Variants in RBFOX1 observed in about 807,000 individuals in gnomAD.
The protein encoded by RBFOX1 is RNA binding protein fox-1 homolog 1.
In RBFOX1, 8 loss-of-function variants were observed where a neutral mutation model predicts 57.7. The ratio of observed to expected loss-of-function variants is 0.14; its 90% CI spans 0.08 to 0.25. The LOEUF (loss-of-function observed/expected upper bound fraction) is 0.25. RBFOX1 is among the 10% of genes least tolerant of loss of function. The pLI is 1.00. For synonymous variants in RBFOX1, 326 were observed against 222.4 expected, an observed-to-expected ratio of 1.47 and a Z score of -4.15; for missense variants, 611 against 548.5, an observed-to-expected ratio of 1.11 and a Z score of -1.14.
At chr16:5,307,061 T>TG (rs2063957164) in intron 1 of RBFOX1, among the ~76,000 whole-genome samples, 1 of 147,718 alleles carries the variant, frequency 6.8e-6, no homozygotes, top group Non-Finnish European at 1.5e-5. Flanking sequence ...TTCTCCGTGG[T>TG]GGGGGGTGGA....
chr16:7,693,486 A>T, intron 14 of RBFOX1: 1 of 770,216 alleles, frequency 1.3e-6, no homozygotes, highest in South Asian at 1.8e-5. Flanking sequence ...TAAGAAAAAA[A>T]AAAAAGATCT....
At chr16:6,495,886 A>G (rs1326361903) in intron 2 of RBFOX1, among the ~76,000 whole-genome samples, 1 of 152,236 alleles carries the variant, frequency 6.6e-6, no homozygotes, top group African/African-American at 2.4e-5. Context: ...ATCTGTTTGT[A>G]ACAGAATATT....
chr16:7,266,846 A>C (rs1311254863), intron 4 of RBFOX1, among the ~76,000 whole-genome samples: 1 of 152,196 alleles, frequency 6.6e-6, no homozygotes, highest in Non-Finnish European at 1.5e-5. Flanking sequence ...AACTGTTTTC[A>C]GGGAAGGCCT....
At chr16:6,254,648 G>C (rs929047474) in intron 1 of RBFOX1, among the ~76,000 whole-genome samples, 1 of 152,102 alleles carries the variant, frequency 6.6e-6, no homozygotes, top group Non-Finnish European at 1.5e-5. Context: ...TAGTCTCTGC[G>C]TGAAATTCCA....
intron 3 of RBFOX1, among the ~76,000 whole-genome samples, chr16:6,755,975 C>T (rs1446978022): frequency 6.6e-6 from 1 of 152,150 alleles, no homozygotes; most frequent in Non-Finnish European, 1.5e-5. Context: ...TTTCAAATTG[C>T]TAGCTGAGGT....
intron 3 of RBFOX1, among the ~76,000 whole-genome samples, chr16:6,821,343 T>A (rs185499266): frequency 6.6e-6 from 1 of 152,212 alleles, no homozygotes; most frequent in Admixed American, 6.5e-5. Context: ...TGTCCCCAAA[T>A]TGGAAAACTA....
At chr16:5,575,166 G>A (rs938603326) in intron 2 of RBFOX1, among the ~76,000 whole-genome samples, 1 of 152,170 alleles carries the variant, frequency 6.6e-6, no homozygotes, top group African/African-American at 2.4e-5. Flanking sequence ...TGATGCTTCT[G>A]TTACCCTAAA....
chr16:6,655,241 G>T (rs1445891436), intron 3 of RBFOX1, among the ~76,000 whole-genome samples: 1 of 151,064 alleles, frequency 6.6e-6, no homozygotes, highest in Non-Finnish European at 1.5e-5. Context: ...GGGTGTGGTG[G>T]CACATGCCTG....
chr16:7,234,080 C>G (rs2093645482), intron 4 of RBFOX1, among the ~76,000 whole-genome samples: 1 of 152,168 alleles, frequency 6.6e-6, no homozygotes, highest in African/African-American at 2.4e-5. Flanking sequence ...AATTATGTCA[C>G]AAGAATGCTT....
chr16:5,567,687 G>A (rs1024429904), intron 2 of RBFOX1, among the ~76,000 whole-genome samples: 4 of 132,124 alleles, frequency 3.0e-5, no homozygotes, highest in African/African-American at 5.5e-5. Context: ...CTGTGTCTAT[G>A]TTTAGACAAG....
At chr16:7,487,968 G>A (rs1054794798) in intron 4 of RBFOX1, among the ~76,000 whole-genome samples, 1 of 151,858 alleles carries the variant, frequency 6.6e-6, no homozygotes, top group East Asian at 1.9e-4. Context: ...TTTTTCCAGG[G>A]CCTCTTTTCT....
intron 2 of RBFOX1, among the ~76,000 whole-genome samples, chr16:6,516,528 C>A (rs984547428): frequency 6.6e-6 from 1 of 152,162 alleles, no homozygotes; most frequent in African/African-American, 2.4e-5. Context: ...ACTCCTCAAA[C>A]ATAAGGCTTG....
At chr16:7,428,434 C>G (rs1250629227) in intron 4 of RBFOX1, among the ~76,000 whole-genome samples, 3 of 142,418 alleles carry the variant, frequency 2.1e-5, no homozygotes, top group Non-Finnish European at 3.0e-5. Flanking sequence ...TCTAGTGATT[C>G]TCCTGCCTCA....
At chr16:7,639,484 A>T (rs2062387044) in intron 11 of RBFOX1, among the ~76,000 whole-genome samples, 1 of 152,118 alleles carries the variant, frequency 6.6e-6, no homozygotes, top group Non-Finnish European at 1.5e-5. Context: ...ACCAATCTTT[A>T]TTGAAGTTTT....
intron 2 of RBFOX1, among the ~76,000 whole-genome samples, chr16:6,493,692 T>G (rs938458052): frequency 8.5e-5 from 13 of 152,202 alleles, no homozygotes; most frequent in African/African-American, 2.9e-4. Context: ...TATCTCAAAC[T>G]GAACTTCATA....
At chr16:7,368,873 C>A (rs1209869655) in intron 4 of RBFOX1, among the ~76,000 whole-genome samples, 1 of 152,050 alleles carries the variant, frequency 6.6e-6, no homozygotes, top group Non-Finnish European at 1.5e-5. Flanking sequence ...CAGTTATCTT[C>A]AGATTAAGTA....
At chr16:7,476,587 A>C (rs1237371826) in intron 4 of RBFOX1, among the ~76,000 whole-genome samples, 6 of 152,238 alleles carry the variant, frequency 3.9e-5, no homozygotes, top group Non-Finnish European at 7.3e-5. Context: ...GGGCTAAATG[A>C]GTAACATTCT....
chr16:5,986,134 A>C (rs1475746991), intron 4 of RBFOX1, among the ~76,000 whole-genome samples: 1 of 149,964 alleles, frequency 6.7e-6, no homozygotes, highest in Non-Finnish European at 1.5e-5. Flanking sequence ...TAATCTTGGC[A>C]GATCTTGCAA....
At chr16:5,611,885 T>G (rs1215151512) in intron 3 of RBFOX1, among the ~76,000 whole-genome samples, 2 of 148,226 alleles carry the variant, frequency 1.3e-5, no homozygotes, top group African/African-American at 5.0e-5. Context: ...CCCTGCACTT[T>G]GTAAGGCCAA....
Sources: allele counts gnomAD v4.1 joint callset (sites outside exome capture counted in the v4.1 genomes callset), GRCh38; gene constraint gnomAD v4.1.1; transcripts MANE v1.5; gene names NCBI Gene and HGNC (gene_info 2026-07-23, HGNC 2026-07-21).